The following SH3RF2 variants were observed in gnomAD, a reference collection of about 807,000 sequenced individuals.
SH3RF2 encodes E3 ubiquitin-protein ligase SH3RF2.
A neutral mutation model predicts 59.0 loss-of-function variants in SH3RF2; 43 were observed. The observed-to-expected ratio is 0.73, with a 90% CI of 0.57 to 0.94. The LOEUF (loss-of-function observed/expected upper bound fraction) is 0.94. Ranked by LOEUF, SH3RF2 falls within the 40% of genes least tolerant of loss-of-function variation. The probability of loss-of-function intolerance (pLI) is 0.00; values close to 1 mark genes in which losing one functional copy is unlikely to be tolerated. For synonymous variants in SH3RF2, 391 were observed against 391.5 expected, an observed-to-expected ratio of 1.00 and a Z score of 0.01; for missense variants, 930 against 940.1, an observed-to-expected ratio of 0.99 and a Z score of 0.14.
chr5:146,010,109 A>T (rs1178410867), intron 4 of SH3RF2, among the ~76,000 whole-genome samples: 1 of 150,958 alleles, frequency 6.6e-6, no homozygotes, highest in East Asian at 2.0e-4. Context: ...ATTCCCACCT[A>T]TGAGTGAGAA....
chr5:146,009,667 T>G (rs548131034), intron 4 of SH3RF2, among the ~76,000 whole-genome samples: 1 of 152,234 alleles, frequency 6.6e-6, no homozygotes, highest in South Asian at 2.1e-4. Context: ...GTTTACATGC[T>G]GGCTCTGTAA....
At chr5:145,944,641 T>C (rs1349476661) in intron 2 of SH3RF2, among the ~76,000 whole-genome samples, 1 of 152,176 alleles carries the variant, frequency 6.6e-6, no homozygotes, top group African/African-American at 2.4e-5. Context: ...AAACTAAACA[T>C]TTTCCCTTTG....
chr5:146,068,067 T>C (rs1264362307), downstream of SH3RF2, among the ~76,000 whole-genome samples: 1 of 152,228 alleles, frequency 6.6e-6, no homozygotes, highest in Non-Finnish European at 1.5e-5. Flanking sequence ...CACCTTCACC[T>C]GGTCCTTGGC....
chr5:146,002,750 C>T (rs1453682625), intron 3 of SH3RF2, among the ~76,000 whole-genome samples: 1 of 152,176 alleles, frequency 6.6e-6, no homozygotes, highest in African/African-American at 2.4e-5. Context: ...TTAGTGGCAG[C>T]ATTAGATTCT....
intron 5 of SH3RF2, among the ~76,000 whole-genome samples, chr5:146,034,422 T>A (rs1300260625): frequency 6.6e-6 from 1 of 152,072 alleles, no homozygotes; most frequent in Non-Finnish European, 1.5e-5. Flanking sequence ...TAAATCTCAT[T>A]TGAGACCATG....
At chr5:146,017,373 G>C (rs1186529508) in intron 5 of SH3RF2, among the ~76,000 whole-genome samples, 1 of 151,788 alleles carries the variant, frequency 6.6e-6, no homozygotes, top group Non-Finnish European at 1.5e-5. Context: ...CCTCTTTGGG[G>C]AGTCACATGT....
At chr5:146,064,705 A>G (rs1222466597), downstream of SH3RF2, among the ~76,000 whole-genome samples, 33 of 21,196 alleles carry the variant, frequency 1.6e-3, 2 homozygotes, top group African/African-American at 3.3e-3. Flanking sequence ...AAAGAAAGAA[A>G]GAAAGAAAGA....
chr5:145,964,418 T>C (rs1758782584), intron 2 of SH3RF2, among the ~76,000 whole-genome samples: 1 of 151,622 alleles, frequency 6.6e-6, no homozygotes, highest in South Asian at 2.1e-4. Flanking sequence ...GTGATTCTCC[T>C]GCTTCAGGCT....
chr5:146,027,994 T>A (rs1437366336), intron 5 of SH3RF2, among the ~76,000 whole-genome samples: 1 of 152,198 alleles, frequency 6.6e-6, no homozygotes, highest in East Asian at 1.9e-4. Context: ...AAACTTTACA[T>A]CATCGTTTTG....
intron 5 of SH3RF2, among the ~76,000 whole-genome samples, chr5:146,034,453 G>T (rs771056191): frequency 1.3e-5 from 2 of 152,152 alleles, no homozygotes; most frequent in Non-Finnish European, 2.9e-5. Context: ...TCTGATTTCC[G>T]CAGAACCACA....
At position 146,014,055 on chromosome 5, in the gene SH3RF2, G is replaced by A; in HGVS notation, c.1053G>A (p.Val351=). The A allele has an allele frequency of 6.2e-7, 1 of 1,613,216 alleles. No individual in the cohort carries two copies. The highest frequency in any genetic ancestry group is 8.5e-7 in the Non-Finnish European group (1 of 1,179,810). The change falls in exon 5 of 10, where the codon GTG becomes GTA. Residue 351 remains valine, a synonymous_variant. Transcript: ENST00000359120. ...AAGCAGACGTTCCTTCCAGCTGTGT[G>A]GGACAGGTAGGGAAGAAACGCCTGG... The part of the protein sequence containing the change: ...MEKADVPSSC[V]GQVSTYHPAP...
intron 5 of SH3RF2, among the ~76,000 whole-genome samples, chr5:146,035,399 G>A (rs1761897764): frequency 6.6e-6 from 1 of 151,582 alleles, no homozygotes; most frequent in Non-Finnish European, 1.5e-5. Flanking sequence ...TGCTTCACCA[G>A]CCATCTCCCC....
At chr5:146,010,585 A>G (rs1007652321) in intron 4 of SH3RF2, among the ~76,000 whole-genome samples, 1 of 152,122 alleles carries the variant, frequency 6.6e-6, no homozygotes, top group African/African-American at 2.4e-5. Context: ...CCGGTGTGAG[A>G]TGGTATCTCA....
At chr5:146,013,469 G>C (rs1561741662) in intron 4 of SH3RF2, among the ~76,000 whole-genome samples, 1 of 152,208 alleles carries the variant, frequency 6.6e-6, no homozygotes, top group Non-Finnish European at 1.5e-5. Flanking sequence ...CTCTCAGCCA[G>C]GGAAGAGCAT....
intron 9 of SH3RF2, among the ~76,000 whole-genome samples, chr5:146,060,501 C>T (rs973585474): frequency 7.9e-5 from 12 of 152,082 alleles, no homozygotes; most frequent in African/African-American, 2.9e-4. Context: ...GAAAAAAAAG[C>T]ATGACTTTGG....
exon 10 of SH3RF2, chr5:146,081,684 C>T (rs1269998050): frequency 6.6e-6 from 1 of 152,072 alleles, no homozygotes; most frequent in African/African-American, 2.4e-5. Flanking sequence ...CCTTCTTTGC[C>T]AAAAATATGC....
At chr5:145,961,174 CTTTTTT>C (rs869156939) in intron 2 of SH3RF2, among the ~76,000 whole-genome samples, 23 of 90,960 alleles carry the variant, frequency 2.5e-4, no homozygotes, top group African/African-American at 1.1e-3. Flanking sequence ...CTGCATCCTC[CTTTTTT>C]TTTTTTTTTT....
At chr5:145,997,454 C>G (rs1380282839) in intron 2 of SH3RF2, 4 of 1,517,724 alleles carry the variant, frequency 2.6e-6, no homozygotes, top group Non-Finnish European at 3.7e-6. Flanking sequence ...ATGTTTATGT[C>G]TTTGTGAAAA....
intron 5 of SH3RF2, among the ~76,000 whole-genome samples, chr5:146,026,578 C>G (rs1280504338): frequency 6.6e-6 from 1 of 152,148 alleles, no homozygotes; most frequent in Non-Finnish European, 1.5e-5. Context: ...CTGTCTTCTG[C>G]GGGAGCACAC....
Sources: allele counts gnomAD v4.1 joint callset (sites outside exome capture counted in the v4.1 genomes callset), GRCh38; gene constraint gnomAD v4.1.1; transcripts MANE v1.5; gene names NCBI Gene and HGNC (gene_info 2026-07-23, HGNC 2026-07-21).